Variants in CEMIP2 observed in about 807,000 individuals in gnomAD.
The protein encoded by CEMIP2 is cell migration inducing hyaluronidase 2.
CEMIP2 carries 79 observed loss-of-function variants against 146.9 expected under a neutral mutation model. The ratio of observed to expected loss-of-function variants is 0.54; its 90% CI spans 0.45 to 0.65. The LOEUF is 0.65. Among genes scored for constraint, CEMIP2 ranks in the 30% least tolerant of loss-of-function variants. The pLI is 0.00. For missense variants in CEMIP2, 1,596 were observed against 1,696.2 expected, an observed-to-expected ratio of 0.94 and a Z score of 1.04; for synonymous variants, 601 against 606.3, an observed-to-expected ratio of 0.99 and a Z score of 0.13.
Position 71,709,409 on chromosome 9 carries a change from A to G in CEMIP2, c.2835T>C (p.Asp945=), listed in dbSNP as rs1822842767. Reference sequence around the variant, plus strand: ...CAATGTCATGGAATATGGAGTTCTTATCACCATCCATCTCACAATCTTCAA... The same window carrying G: ...CAATGTCATGGAATATGGAGTTCTTGTCACCATCCATCTCACAATCTTCAA... ...PWFEDCEMDG[D]KNSIFHDIDG... The change falls in exon 17 of 24, where the codon GAT becomes GAC. Residue 945 remains aspartate, a synonymous_variant. Coordinates refer to ENST00000377044, the MANE Select transcript of CEMIP2 (RefSeq NM_013390.3). 6.2e-7 allele frequency: 1 copy of G among 1,614,198 alleles called. No homozygotes were observed. The highest frequency in any genetic ancestry group is 1.1e-5 in the South Asian group (1 of 91,086).
chr9:71,691,420 G>GAA lies in CEMIP2; in HGVS notation c.3697-1176_3697-1175dup, dbSNP rs148544899. ...GTGACAGAGTGAGACTCTGTCTCAG[G>GAA]AAAAAAAAAATAAATAAATAAAAAA... On this transcript the variant is annotated intron_variant, in intron 21 of 23. Transcript: ENST00000377044. Among the ~76,000 whole-genome samples the GAA allele has an allele frequency of 2.6e-4, 33 of 127,040 alleles. 1 individual carries two copies. The highest frequency in any genetic ancestry group is 4.3e-4 in the African/African-American group (13 of 30,072). 83.3% of individuals were successfully genotyped at this position (127,040 alleles called of 152,430 possible). A position where few individuals can be genotyped will look rare whatever the true frequency, so the allele number is the denominator to read the frequency against.
chr9:71,729,727 A>T (rs1159336947), intron 10 of CEMIP2, 118 bp downstream of exon 10: 1 of 936,828 alleles, frequency 1.1e-6, no homozygotes, highest in Non-Finnish European at 1.7e-6. Flanking sequence ...AAGTAGTACC[A>T]GAAAACAATG....
At chr9:71,757,537 C>A (rs1244070097) in intron 1 of CEMIP2, among the ~76,000 whole-genome samples, 1 of 152,036 alleles carries the variant, frequency 6.6e-6, no homozygotes, top group Non-Finnish European at 1.5e-5. Flanking sequence ...AAACATGCAG[C>A]AAAAAGTAAA....
At chr9:71,765,546 T>TTAAG (rs1308691102) in intron 1 of CEMIP2, among the ~76,000 whole-genome samples, 1 of 152,190 alleles carries the variant, frequency 6.6e-6, no homozygotes, top group Non-Finnish European at 1.5e-5. Flanking sequence ...CTTCACCATT[T>TTAAG]TAAGATAGTA....
Position 71,722,452 on chromosome 9 carries a change from A to G in CEMIP2, c.2242T>C (p.Tyr748His). The G allele has an allele frequency of 6.2e-7, 1 of 1,613,780 alleles. No individual in the cohort carries two copies. The highest frequency in any genetic ancestry group is 8.5e-7 in the Non-Finnish European group (1 of 1,179,848). The change falls in exon 12 of 24, where the codon TAC becomes CAC. Residue 748 changes from tyrosine to histidine, a missense_variant. Tyr to His is a moderately conservative substitution (Grantham distance 83). Transcript: ENST00000377044. ...CTTGCACTATTGTCCAAACAGAGGT[A>G]TTCCCTTGGGTCAGCAGCACTAGAG... ...TNSSAADPRE[Y>H]LCLDNSARFR...
At chr9:71,746,389 A>G (rs1286187236) in intron 2 of CEMIP2, 48 bp from the exon 3 acceptor site, 1 of 1,604,874 alleles carries the variant, frequency 6.2e-7, no homozygotes, top group South Asian at 1.1e-5. Context: ...TGCAGGAATA[A>G]TATAGCCGAA....
chr9:71,715,614 A>G (rs1408527849), intron 14 of CEMIP2, among the ~76,000 whole-genome samples: 1 of 130,048 alleles, frequency 7.7e-6, no homozygotes, highest in Non-Finnish European at 1.6e-5. Flanking sequence ...ACATACATAT[A>G]TCCCTCTTAA....
chr9:71,739,596 A>G (rs928959753), intron 5 of CEMIP2, among the ~76,000 whole-genome samples: 9 of 151,026 alleles, frequency 6.0e-5, no homozygotes, highest in African/African-American at 2.2e-4. Flanking sequence ...CGCCAAGCCC[A>G]GAAGATTGTT....
chr9:71,697,685 T>G, intron 20 of CEMIP2: 2 of 292,182 alleles, frequency 6.8e-6, no homozygotes, highest in Non-Finnish European at 1.3e-5. Flanking sequence ...TGCAACAGAA[T>G]CAAACATCTG....
At chr9:71,737,635 C>T (rs923849961) in intron 5 of CEMIP2, among the ~76,000 whole-genome samples, 1 of 152,104 alleles carries the variant, frequency 6.6e-6, no homozygotes, top group Non-Finnish European at 1.5e-5. Context: ...GCTCCCAAAG[C>T]TCTAAGACTA....
rs539578766 is a variant in CEMIP2, at chr9:71,749,398, G to A, written c.331+645C>T. On this transcript the variant is annotated intron_variant, in intron 2 of 23. Coordinates refer to ENST00000377044, the MANE Select transcript of CEMIP2 (RefSeq NM_013390.3). The stretch of plus-strand genomic sequence containing the variant: ...AAAAATCTAATATAGTTCACTATAC[G>A]TATGACTAAAAAAAAAAAAACTTGC... Among the ~76,000 whole-genome samples, 12 of 151,342 alleles carry A rather than the reference G, an allele frequency of 7.9e-5. No homozygotes were observed. The East Asian group carries it at 1.9e-3, about 25-fold the overall frequency.
rs747423477 is a variant in CEMIP2 at position 71,732,420 on chromosome 9, C to T, written c.1494G>A (p.Val498=). Residue 498 remains valine, a synonymous_variant, in exon 7 of 24, where the codon GTG becomes GTA. Transcript: ENST00000377044. ...LTRNIVIQGE[V]EDSCYAENQC... ...GATTTTCTGCGTAGCATGAGTCCTC[C>T]ACTTCTCCTTGGATCACAATATTCC... The T allele has an allele frequency of 1.9e-6, 3 of 1,614,006 alleles. No homozygotes were observed. The highest frequency in any genetic ancestry group is 2.5e-6 in the Non-Finnish European group (3 of 1,179,994).
intron 21 of CEMIP2, 55 bp downstream of exon 21, chr9:71,694,454 T>C: frequency 7.1e-7 from 1 of 1,408,750 alleles, no homozygotes; most frequent in Non-Finnish European, 1.0e-6. Flanking sequence ...ACCTAGTTTA[T>C]GGCATTTTGT....
chr9:71,734,774 T>A (rs775475668), intron 6 of CEMIP2, 32 bp downstream of exon 6: 2 of 1,535,442 alleles, frequency 1.3e-6, no homozygotes, highest in African/African-American at 2.8e-5. Context: ...AAATAGTGTG[T>A]TTCCCAAGAA....
intron 1 of CEMIP2, among the ~76,000 whole-genome samples, chr9:71,753,053 A>G (rs1222360841): frequency 1.3e-5 from 2 of 152,084 alleles, no homozygotes; most frequent in African/African-American, 4.8e-5. Flanking sequence ...AATAATGGAG[A>G]CATTCTGCTG....
intron 20 of CEMIP2, 138 bp downstream of exon 20, chr9:71,697,847 C>T (rs1429949144): frequency 9.4e-6 from 8 of 849,418 alleles, no homozygotes; most frequent in African/African-American, 1.7e-5. Flanking sequence ...CACATTTTAG[C>T]ATGGGCCAAA....
At chr9:71,716,773 T>C (rs1823068996) in intron 13 of CEMIP2, among the ~76,000 whole-genome samples, 1 of 152,210 alleles carries the variant, frequency 6.6e-6, no homozygotes, top group Non-Finnish European at 1.5e-5. Flanking sequence ...TGTGTGACTT[T>C]TGGCAACCTA....
intron 1 of CEMIP2, among the ~76,000 whole-genome samples, chr9:71,761,019 A>G (rs147955409): frequency 5.3e-5 from 8 of 152,074 alleles, no homozygotes; most frequent in Non-Finnish European, 8.8e-5. Context: ...CTTGTTCTCA[A>G]CTGGCTGGGA....
intron 5 of CEMIP2, among the ~76,000 whole-genome samples, chr9:71,738,465 C>A (rs62549269): frequency 0.071 from 10,747 of 151,558 alleles, 541 homozygotes; most frequent in South Asian, 0.19. Flanking sequence ...CAGTGAGCGA[C>A]AATCGCACCA....
Sources: gnomAD v4.1 joint callset for allele counts (sites outside exome capture counted in the v4.1 genomes callset) on GRCh38, gnomAD v4.1.1 for gene constraint, MANE v1.5 for transcripts, NCBI Gene and HGNC (gene_info 2026-07-23, HGNC 2026-07-21) for gene names.